The following RAB3GAP2 variants were observed in gnomAD, a reference collection of about 807,000 sequenced individuals.
The protein encoded by RAB3GAP2 is RAB3 GTPase activating non-catalytic protein subunit 2, also known as rab3 GTPase-activating protein non-catalytic subunit.
A neutral mutation model predicts 185.3 loss-of-function variants in RAB3GAP2; 87 were observed. The ratio of observed to expected loss-of-function variants is 0.47; its 90% CI spans 0.39 to 0.56. The LOEUF (loss-of-function observed/expected upper bound fraction) is 0.56. RAB3GAP2 is among the 20% of genes least tolerant of loss of function. The probability of loss-of-function intolerance (pLI) is 0.00; values close to 1 mark genes in which losing one functional copy is unlikely to be tolerated. For missense variants in RAB3GAP2, 1,492 were observed against 1,638.2 expected (o/e 0.91, Z 1.54); for synonymous variants, 554 against 576.1 (o/e 0.96, Z 0.55).
At chr1:220,232,600 A>G (rs1359667337) in intron 2 of RAB3GAP2, among the ~76,000 whole-genome samples, 199 bp downstream of exon 2, 1 of 152,258 alleles carries the variant, frequency 6.6e-6, no homozygotes, top group Non-Finnish European at 1.5e-5. Flanking sequence ...AGCAACACCA[A>G]GTGAACGAAG....
rs1659058182 is a variant in RAB3GAP2, at chr1:220,210,415, T to A, written c.585A>T (p.Ile195=). The change falls in exon 7 of 35, where the codon ATA becomes ATT. Residue 195 remains isoleucine (I), a synonymous_variant. Coordinates refer to ENST00000358951, the MANE Select transcript of RAB3GAP2 (RefSeq NM_012414.4). ...GCTCAGTCACGCCGGGATGTCGTGG[T>A]ATTTCATAGGTTCTGCATTTAAGTT... ...VLQLKCRTYE[I]PRHPGVTEQN... The A allele has an allele frequency of 6.2e-7, 1 of 1,613,978 alleles. No homozygotes were observed. The highest frequency in any genetic ancestry group is 8.5e-7 in the Non-Finnish European group (1 of 1,179,946).
rs1255848884 is a variant in RAB3GAP2 at position 220,267,991 on chromosome 1, C to A, written c.115+4232G>T. ...AAGCACTTTTAAACCAACTGATACA[C>A]CTCTATAATTCACAAGTAATTGAGG... On this transcript the variant is annotated intron_variant, in intron 1 of 34. Transcript: ENST00000358951. 1.1e-5 allele frequency: 6 copies of A among 557,918 alleles called. No homozygotes were observed. In the South Asian group the frequency reaches 1.6e-4, roughly 14 times the overall value. 34.6% of individuals were successfully genotyped at this position (557,918 alleles called of 1,614,324 possible).
chr1:220,245,614 C>T (rs1287942844), intron 1 of RAB3GAP2, among the ~76,000 whole-genome samples: 1 of 152,072 alleles, frequency 6.6e-6, no homozygotes, highest in South Asian at 2.1e-4. Context: ...ATTGCCCAGG[C>T]TTGCTTAGGT....
intron 1 of RAB3GAP2, among the ~76,000 whole-genome samples, chr1:220,245,923 G>A (rs1348747727): frequency 3.3e-5 from 5 of 152,078 alleles, no homozygotes; most frequent in South Asian, 2.1e-4. Context: ...CACCTCACAC[G>A]GCAGGGTATT....
chr1:220,154,971 C>T (rs1169747691), intron 31 of RAB3GAP2, among the ~76,000 whole-genome samples: 2 of 152,130 alleles, frequency 1.3e-5, no homozygotes, highest in Non-Finnish European at 2.9e-5. Context: ...GTGATCTGCC[C>T]GCCTCAGCCT....
chr1:220,153,249 T>A lies in RAB3GAP2; in HGVS notation c.3803A>T (p.Asp1268Val). 6.2e-7 allele frequency: 1 copy of A among 1,614,140 alleles called. No homozygotes were observed. Among genetic ancestry groups the A allele is most frequent in the Non-Finnish European group, 8.5e-7 (1 of 1,179,972 alleles). Residue 1268 changes from aspartate to valine, a missense_variant, in exon 33 of 35, where the codon GAT becomes GTT. Asp to Val is a radical substitution (Grantham distance 152, BLOSUM62 -3). Coordinates refer to ENST00000358951, the MANE Select transcript of RAB3GAP2 (RefSeq NM_012414.4). ...DLAHHLQVSE[D>V]VVRRHYVGEL... Reference sequence around the variant, plus strand: ...CCCCACATAATGCCTTCTAACAACATCTTCACTAACTTGAAGGTGATGGGC... The same window carrying A: ...CCCCACATAATGCCTTCTAACAACAACTTCACTAACTTGAAGGTGATGGGC...
Position 220,172,622 on chromosome 1 carries a change from A to T in RAB3GAP2, c.2416+15T>A. 1.9e-6 allele frequency: 3 copies of T among 1,566,776 alleles called. No homozygotes were observed. Among genetic ancestry groups the T allele is most frequent in the Non-Finnish European group, 2.6e-6 (3 of 1,136,872 alleles). On this transcript the variant is annotated intron_variant, in intron 22 of 34. Transcript: ENST00000358951. ...ACACGAAACTTTGTTGACGAGAGCA[A>T]CAAACTTTGTTTACCTTTCATCTTG...
At chr1:220,161,847 C>T (rs554418377) in intron 28 of RAB3GAP2, among the ~76,000 whole-genome samples, 1 of 152,246 alleles carries the variant, frequency 6.6e-6, no homozygotes, top group Admixed American at 6.5e-5. Flanking sequence ...AAGGAGAATG[C>T]AATCAACTCC....
chr1:220,191,177 G>A lies in RAB3GAP2; in HGVS notation c.1378C>T (p.Arg460Ter), dbSNP rs781782288. 7 of 1,613,848 alleles carry A rather than the reference G, an allele frequency of 4.3e-6. No homozygotes were observed. The highest frequency in any genetic ancestry group is 5.9e-6 in the Non-Finnish European group (7 of 1,179,928). Residue 460 changes from arginine (R) to a stop codon, truncating the protein, a stop_gained, in exon 14 of 35, where the codon CGA (arginine) becomes TGA (stop). Transcript: ENST00000358951. LOFTEE classifies it high-confidence loss of function. ...TAGATCACAAGGAATTGAGCTACTCGACTTGGACCCTGAGAATTTCCAAAG... is the reference window on the plus strand; with the variant it reads ...TAGATCACAAGGAATTGAGCTACTCAACTTGGACCCTGAGAATTTCCAAAG... ...SPFGNSQGPS[R>*]VAQFLVIYAP...
At chr1:220,210,717 T>C in intron 6 of RAB3GAP2, 84 bp downstream of exon 6, 1 of 1,376,940 alleles carries the variant, frequency 7.3e-7, no homozygotes, top group Non-Finnish European at 1.0e-6. Flanking sequence ...CAGCAGGTAA[T>C]AAAGTCACAA....
intron 1 of RAB3GAP2, chr1:220,267,027 G>A (rs1333600618): frequency 6.2e-7 from 1 of 1,611,492 alleles, no homozygotes; most frequent in African/African-American, 1.3e-5. Context: ...TCATTTCGGG[G>A]GGCAGGTAGT....
At chr1:220,191,441 A>G (rs1658618362) in intron 13 of RAB3GAP2, among the ~76,000 whole-genome samples, 157 bp from the exon 14 acceptor site, 1 of 150,670 alleles carries the variant, frequency 6.6e-6, no homozygotes, top group Non-Finnish European at 1.5e-5. Flanking sequence ...AAAAAATGAT[A>G]ATAAATAATA....
chr1:220,226,948 C>T (rs1425718412), intron 2 of RAB3GAP2, among the ~76,000 whole-genome samples: 7 of 152,156 alleles, frequency 4.6e-5, no homozygotes, highest in Admixed American at 4.6e-4. Context: ...AGCATGTGTA[C>T]ATAGAAGAAA....
At chr1:220,239,893 A>T (rs1349415553) in intron 1 of RAB3GAP2, among the ~76,000 whole-genome samples, 1 of 152,042 alleles carries the variant, frequency 6.6e-6, no homozygotes, top group East Asian at 1.9e-4. Flanking sequence ...GCTCAATTAC[A>T]TGGGACTTTC....
intron 1 of RAB3GAP2, among the ~76,000 whole-genome samples, chr1:220,262,327 AAAC>A (rs199786558): frequency 1.2e-4 from 18 of 152,036 alleles, no homozygotes; most frequent in Admixed American, 6.6e-4. Context: ...ACAAACAAAC[AAAC>A]AAAAAAACAT....
intron 7 of RAB3GAP2, among the ~76,000 whole-genome samples, chr1:220,209,352 T>C (rs1659035540): frequency 6.6e-6 from 1 of 152,184 alleles, no homozygotes; most frequent in South Asian, 2.1e-4. Flanking sequence ...TAGTTCTACA[T>C]TCGAATCTTC....
At chr1:220,228,519 C>T (rs899730020) in intron 2 of RAB3GAP2, among the ~76,000 whole-genome samples, 4 of 152,128 alleles carry the variant, frequency 2.6e-5, no homozygotes, top group Non-Finnish European at 4.4e-5. Flanking sequence ...ACCATAGTGC[C>T]GTTTTTGTTC....
intron 13 of RAB3GAP2, 90 bp from the exon 14 acceptor site, chr1:220,191,374 GGGGGT>G: frequency 3.0e-6 from 1 of 330,356 alleles, no homozygotes; most frequent in African/African-American, 2.5e-5. Context: ...GGGTGGGGGT[GGGGGT>G]GGGGTAAGAA....
At chr1:220,248,056 A>C (rs1265288975) in intron 1 of RAB3GAP2, among the ~76,000 whole-genome samples, 1 of 152,096 alleles carries the variant, frequency 6.6e-6, no homozygotes, top group Non-Finnish European at 1.5e-5. Context: ...AATTTAATAA[A>C]GTAACTAGAC....
Sources: allele counts gnomAD v4.1 joint callset (sites outside exome capture counted in the v4.1 genomes callset), GRCh38; gene constraint gnomAD v4.1.1; transcripts MANE v1.5; gene names NCBI Gene and HGNC (gene_info 2026-07-23, HGNC 2026-07-21).